Variants in GNA12 observed in about 807,000 individuals in gnomAD.
The protein encoded by GNA12 is G protein subunit alpha 12, also known as guanine nucleotide-binding protein subunit alpha-12.
In GNA12, 9 loss-of-function variants were observed where a neutral mutation model predicts 26.0. That is an observed-to-expected ratio of 0.35 (90% CI 0.21 to 0.60). The LOEUF (loss-of-function observed/expected upper bound fraction) is 0.60, where lower values mean the gene tolerates loss of function less well. GNA12 is among the 20% of genes least tolerant of loss of function. The pLI is 0.78. For missense variants in GNA12, 405 were observed against 525.8 expected, an observed-to-expected ratio of 0.77 and a Z score of 2.25; for synonymous variants, 264 against 219.6, an observed-to-expected ratio of 1.20 and a Z score of -1.79.
chr7:2,752,142 G>C (rs867259169), intron 2 of GNA12, among the ~76,000 whole-genome samples: 1 of 151,844 alleles, frequency 6.6e-6, no homozygotes, highest in South Asian at 2.1e-4. Context: ...AATGTCAATA[G>C]AAGACAGCCA....
chr7:2,791,483 T>C (rs912086085), intron 2 of GNA12, among the ~76,000 whole-genome samples: 2 of 152,184 alleles, frequency 1.3e-5, no homozygotes, highest in African/African-American at 4.8e-5. Context: ...CAGCCTTTTT[T>C]CCTCCTCTTT....
chr7:2,831,895 A>C (rs1778686089), intron 1 of GNA12, among the ~76,000 whole-genome samples: 1 of 152,204 alleles, frequency 6.6e-6, no homozygotes, highest in Admixed American at 6.5e-5. Flanking sequence ...GGAAACCGGA[A>C]GGCAGGTGAG....
intron 2 of GNA12, among the ~76,000 whole-genome samples, chr7:2,741,602 A>G (rs780881679): frequency 2.6e-5 from 4 of 152,170 alleles, no homozygotes; most frequent in Non-Finnish European, 5.9e-5. Flanking sequence ...AAAAGTTGCA[A>G]GAATAGTACA....
rs574627789 is a variant in GNA12 at position 2,779,650 on chromosome 7, G to C, written c.525+15278C>G. ...GTCTTGCTCTGTCACCCAGGTTGGA[G>C]TGCAGTGGTGTGATCTTGGCTCACT... On this transcript the variant is annotated intron_variant, in intron 2 of 3. Coordinates refer to ENST00000275364, the MANE Select transcript of GNA12 (RefSeq NM_007353.3). Among the ~76,000 whole-genome samples the C allele has an allele frequency of 3.3e-5, 5 of 152,178 alleles. No homozygotes were observed. In the Middle Eastern group the frequency reaches 0.01, roughly 311 times the overall value.
chr7:2,816,240 C>CTTT (rs71026563), intron 1 of GNA12, among the ~76,000 whole-genome samples: 1 of 148,434 alleles, frequency 6.7e-6, no homozygotes, highest in Non-Finnish European at 1.5e-5. Context: ...TCACCAAATC[C>CTTT]TTTTTTTTTG....
In GNA12 at chr7:2,743,684, T is replaced by C. The variant is rs569502929; in HGVS notation, c.526-10183A>G. 3.3e-5 allele frequency among the ~76,000 whole-genome samples: 5 copies of C among 152,034 alleles called. No homozygotes were observed. The South Asian group carries it at 8.3e-4, about 25-fold the overall frequency. ...CATCTCACTGGGGTGTGCCAGACAG[T>C]GGGCGCAGCGCACTGTGCGCGAGCC... On this transcript the variant is annotated intron_variant, in intron 2 of 3. Coordinates refer to ENST00000275364, the MANE Select transcript of GNA12 (RefSeq NM_007353.3).
intron 3 of GNA12, among the ~76,000 whole-genome samples, chr7:2,732,004 C>T (rs376882486): frequency 1.3e-5 from 2 of 152,210 alleles, no homozygotes; most frequent in South Asian, 2.1e-4. Flanking sequence ...TGGGCAGGCC[C>T]AGCGCAAAAC....
intron 2 of GNA12, among the ~76,000 whole-genome samples, chr7:2,745,318 C>G (rs1379815319): frequency 6.6e-6 from 1 of 152,244 alleles, no homozygotes; most frequent in Non-Finnish European, 1.5e-5. Context: ...AACAGCTGAT[C>G]TCTTGGCAGA....
intron 2 of GNA12, among the ~76,000 whole-genome samples, chr7:2,754,078 C>T (rs1420708730): frequency 6.6e-6 from 1 of 152,178 alleles, no homozygotes; most frequent in East Asian, 1.9e-4. Flanking sequence ...ACCCTTTTAC[C>T]TCCCCACCAG....
At chr7:2,802,305 C>A (rs1792830166) in intron 1 of GNA12, among the ~76,000 whole-genome samples, 1 of 145,780 alleles carries the variant, frequency 6.9e-6, no homozygotes, top group South Asian at 2.1e-4. Context: ...GTTCAGACAG[C>A]ATATTTTTAA....
At chr7:2,818,281 C>T (rs781679982) in intron 1 of GNA12, among the ~76,000 whole-genome samples, 17 of 152,166 alleles carry the variant, frequency 1.1e-4, no homozygotes, top group Non-Finnish European at 2.4e-4. Context: ...TGGAGCGCCT[C>T]ACACACTGCA....
chr7:2,739,413 G>A (rs1790383732), intron 2 of GNA12, among the ~76,000 whole-genome samples: 1 of 152,158 alleles, frequency 6.6e-6, no homozygotes, highest in African/African-American at 2.4e-5. Context: ...CTTTTACTTG[G>A]TGCGGCATTT....
intron 2 of GNA12, among the ~76,000 whole-genome samples, chr7:2,748,926 G>T (rs1395828119): frequency 2.0e-5 from 3 of 152,154 alleles, no homozygotes; most frequent in Non-Finnish European, 4.4e-5. Context: ...ATCATCACTG[G>T]CCATCAGAGA....
chr7:2,802,682 C>G (rs563638753), intron 1 of GNA12, among the ~76,000 whole-genome samples: 6 of 152,282 alleles, frequency 3.9e-5, no homozygotes, highest in Non-Finnish European at 7.4e-5. Flanking sequence ...TTGGAAAGCT[C>G]TGTTTTTTAA....
chr7:2,795,287 T>C (rs1792630607), intron 1 of GNA12, 144 bp from the exon 2 acceptor site: 2 of 662,636 alleles, frequency 3.0e-6, no homozygotes, highest in East Asian at 2.7e-5. Flanking sequence ...TCTCTTGGTT[T>C]GTTTGTTGTG....
intron 2 of GNA12, among the ~76,000 whole-genome samples, chr7:2,778,279 C>T (rs561760433): frequency 8.5e-5 from 13 of 152,320 alleles, no homozygotes; most frequent in African/African-American, 2.9e-4. Flanking sequence ...AAAATTCTCA[C>T]AAAACCTCTC....
chr7:2,821,550 A>G lies in GNA12; in HGVS notation c.309+22303T>C, dbSNP rs189822753. 4.4e-3 allele frequency among the ~76,000 whole-genome samples: 672 copies of G among 152,362 alleles called. 1 individual carries two copies. Among genetic ancestry groups the G allele is most frequent in the Non-Finnish European group, 7.4e-3 (506 of 68,040 alleles). ...ATAAGGAAGCGAGGCTTGCAACTCC[A>G]AACGAACTCACTGGGTGGCCCCAAG... On this transcript the variant is annotated intron_variant, in intron 1 of 3. Coordinates refer to ENST00000275364, the MANE Select transcript of GNA12 (RefSeq NM_007353.3).
intron 1 of GNA12, among the ~76,000 whole-genome samples, chr7:2,796,678 A>T (rs532645945): frequency 5.9e-5 from 9 of 152,336 alleles, no homozygotes; most frequent in South Asian, 2.1e-4. Context: ...GTTTGTGATG[A>T]GAAACTACTT....
At chr7:2,835,980 T>G in intron 1 of GNA12, 1 of 462,546 alleles carries the variant, frequency 2.2e-6, no homozygotes. Flanking sequence ...TTCAGTTGTA[T>G]GCAAAATTTG....
Sources: allele counts gnomAD v4.1 joint callset (sites outside exome capture counted in the v4.1 genomes callset), GRCh38; gene constraint gnomAD v4.1.1; transcripts MANE v1.5; gene names NCBI Gene and HGNC (gene_info 2026-07-23, HGNC 2026-07-21).